AVL9: variants seen among roughly 807,000 people sequenced by gnomAD.
AVL9 encodes AVL9 cell migration associated, also known as late secretory pathway protein AVL9 homolog.
Under a neutral mutation model 79.2 loss-of-function variants are expected in AVL9, and 49 were observed. That is an observed-to-expected ratio of 0.62 (90% CI 0.49 to 0.79). The LOEUF is 0.79. Among genes scored for constraint, AVL9 ranks in the 30% least tolerant of loss-of-function variants. AVL9 has a pLI of 0.00. For synonymous variants in AVL9, 299 were observed against 280.6 expected (o/e 1.07, Z -0.65); for missense variants, 682 against 776.8 (o/e 0.88, Z 1.45).
At chr7:32,542,297 T>C (rs1281376770) in intron 1 of AVL9, among the ~76,000 whole-genome samples, 1 of 147,726 alleles carries the variant, frequency 6.8e-6, no homozygotes, top group Non-Finnish European at 1.5e-5. Flanking sequence ...CCCAGCACTT[T>C]GGGAGGCCAG....
chr7:32,552,879 G>A (rs76838790), intron 6 of AVL9, among the ~76,000 whole-genome samples: 3,638 of 152,204 alleles, frequency 0.024, 135 homozygotes, highest in African/African-American at 0.082. Flanking sequence ...AACAGATGAA[G>A]CAAGATAGAA....
chr7:32,531,100 C>T (rs1346864187), intron 1 of AVL9, among the ~76,000 whole-genome samples: 1 of 152,132 alleles, frequency 6.6e-6, no homozygotes, highest in African/African-American at 2.4e-5. Context: ...GGGACAATTA[C>T]AAAAGTTGTT....
chr7:32,585,763 T>C lies in AVL9; in HGVS notation c.*1856T>C, dbSNP rs896080183. On this transcript the variant is annotated 3_prime_UTR_variant, in exon 16 of 16. Transcript: ENST00000318709. ...ATTCAGCGATGATAAATTGAAGGGC[T>C]GAATGTGAGAACTCCATTAATTCCA... 3 of 152,236 alleles carry C rather than the reference T, an allele frequency of 2.0e-5. No homozygotes were observed. The highest frequency in any genetic ancestry group is 2.9e-5 in the Non-Finnish European group (2 of 68,050). The allele number at this position is 152,236 out of a possible 1,614,324, so 9.4% of individuals were successfully genotyped here. A position where few individuals can be genotyped will look rare whatever the true frequency, so the allele number is the denominator to read the frequency against.
intron 1 of AVL9, among the ~76,000 whole-genome samples, chr7:32,541,819 A>G (rs946529694): frequency 5.9e-5 from 9 of 151,902 alleles, no homozygotes; most frequent in African/African-American, 2.2e-4. Flanking sequence ...GGTTCAAGCA[A>G]TTCTCCTGCC....
rs59504023 is a variant in AVL9, at chr7:32,497,653, C to CT, written c.93+1868dup. 3.6e-3 allele frequency among the ~76,000 whole-genome samples: 418 copies of CT among 117,096 alleles called. 1 individual carries two copies. The highest frequency in any genetic ancestry group is 9.2e-3 in the Middle Eastern group (2 of 218). 76.8% of individuals were successfully genotyped at this position (117,096 alleles called of 152,430 possible). A position where few individuals can be genotyped will look rare whatever the true frequency, so the allele number is the denominator to read the frequency against. On this transcript the variant is annotated intron_variant, in intron 1 of 15. Coordinates refer to ENST00000318709, the MANE Select transcript of AVL9 (RefSeq NM_015060.3). Reference sequence around the variant, plus strand: ...CCGTGGGTCATGTTGACCATTAGTTCTTTTTTTTTTTTTTTTTCTTCAGAT... The same window carrying CT: ...CCGTGGGTCATGTTGACCATTAGTTCTTTTTTTTTTTTTTTTTTCTTCAGAT...
At chr7:32,500,211 A>G (rs537223272) in intron 1 of AVL9, among the ~76,000 whole-genome samples, 3 of 152,250 alleles carry the variant, frequency 2.0e-5, no homozygotes, top group African/African-American at 4.8e-5. Flanking sequence ...ACTTCCATCA[A>G]TAGTGTAAAA....
At chr7:32,507,603 G>C (rs1200860675) in intron 1 of AVL9, among the ~76,000 whole-genome samples, 1 of 152,162 alleles carries the variant, frequency 6.6e-6, no homozygotes, top group Non-Finnish European at 1.5e-5. Flanking sequence ...TCTCATAACT[G>C]TGTAGTGTTC....
Position 32,583,814 on chromosome 7 carries a change from T to C in AVL9, c.1854T>C (p.Phe618=), listed in dbSNP as rs375029503. The C allele has an allele frequency of 1.5e-5, 24 of 1,613,988 alleles. No individual in the cohort carries two copies. The highest frequency in any genetic ancestry group is 3.3e-4 in the Middle Eastern group (2 of 6,062). The part of the protein sequence containing the change: ...KAVGQSVGGA[F]SSAKTAMSSW... ...CAGGCCAGTCAGTTGGAGGAGCTTT[T>C]TCCAGTGCAAAGACAGCTATGTCTT... Residue 618 remains phenylalanine (F), a synonymous_variant, in exon 16 of 16, where the codon TTT becomes TTC. Transcript: ENST00000318709.
chr7:32,553,544 T>G (rs1478000533), intron 6 of AVL9, among the ~76,000 whole-genome samples, 183 bp from the exon 7 acceptor site: 1 of 152,224 alleles, frequency 6.6e-6, no homozygotes, highest in African/African-American at 2.4e-5. Flanking sequence ...CAGAAAGTTG[T>G]ACTGAACAGC....
At chr7:32,559,726 T>C (rs1790250558) in intron 10 of AVL9, among the ~76,000 whole-genome samples, 1 of 152,176 alleles carries the variant, frequency 6.6e-6, no homozygotes, top group African/African-American at 2.4e-5. Context: ...CTTGGGTCTA[T>C]TTTTAATTAT....
chr7:32,518,412 A>T (rs1019398734), intron 1 of AVL9, among the ~76,000 whole-genome samples: 7 of 152,232 alleles, frequency 4.6e-5, no homozygotes, highest in African/African-American at 9.6e-5. Context: ...ATGTAAAGTT[A>T]AATACATATT....
chr7:32,581,149 GT>G (rs1369344971), intron 15 of AVL9: 6 of 438,936 alleles, frequency 1.4e-5, no homozygotes, highest in African/African-American at 1.2e-4. Flanking sequence ...CTGCACCAGA[GT>G]TTTCTTCCCC....
intron 1 of AVL9, among the ~76,000 whole-genome samples, chr7:32,527,720 G>A (rs542377668): frequency 6.6e-6 from 1 of 152,096 alleles, no homozygotes; most frequent in Non-Finnish European, 1.5e-5. Context: ...CAACACTATG[G>A]GACAGAATTA....
At chr7:32,580,748 T>TGA (rs1429715221) in intron 14 of AVL9, 54 bp from the exon 15 acceptor site, 4 of 1,298,328 alleles carry the variant, frequency 3.1e-6, no homozygotes, top group Non-Finnish European at 4.4e-6. Flanking sequence ...TGTGCGTGTG[T>TGA]GAGATTTTTT....
At chr7:32,527,255 A>G (rs1316835637) in intron 1 of AVL9, among the ~76,000 whole-genome samples, 1 of 152,222 alleles carries the variant, frequency 6.6e-6, no homozygotes, top group Non-Finnish European at 1.5e-5. Flanking sequence ...TAAAACAATT[A>G]CTGAAGCTAC....
chr7:32,509,731 A>G (rs1226017524), intron 1 of AVL9, among the ~76,000 whole-genome samples: 1 of 152,098 alleles, frequency 6.6e-6, no homozygotes, highest in Admixed American at 6.5e-5. Flanking sequence ...GGCGCCTGTA[A>G]TCCCAGCTAC....
intron 15 of AVL9, among the ~76,000 whole-genome samples, chr7:32,583,470 G>A (rs749075471): frequency 6.6e-6 from 1 of 152,180 alleles, no homozygotes; most frequent in Non-Finnish European, 1.5e-5. Flanking sequence ...GGCTGAGGCA[G>A]GAGGATCAGT....
At chr7:32,579,466 A>ATGTTAT (rs1562801764) in intron 13 of AVL9, among the ~76,000 whole-genome samples, 1 of 3,384 alleles carries the variant, frequency 3.0e-4, no homozygotes, top group Non-Finnish European at 4.5e-4. Flanking sequence ...TATTATATAT[A>ATGTTAT]ATATATTATA....
chr7:32,536,308 G>C (rs1788907761), intron 1 of AVL9: 1 of 152,070 alleles, frequency 6.6e-6, no homozygotes. Flanking sequence ...CTGTGGTGCT[G>C]GTTAGTTTAA....
Sources: allele counts gnomAD v4.1 joint callset (sites outside exome capture counted in the v4.1 genomes callset), GRCh38; gene constraint gnomAD v4.1.1; transcripts MANE v1.5; gene names NCBI Gene and HGNC (gene_info 2026-07-23, HGNC 2026-07-21).